Variants in ANO10 observed in about 807,000 individuals in gnomAD.
ANO10 encodes the protein anoctamin-10.
ANO10 carries 77 observed loss-of-function variants against 74.7 expected under a neutral mutation model. That is an observed-to-expected ratio of 1.03 (90% CI 0.86 to 1.25). The LOEUF (loss-of-function observed/expected upper bound fraction) is 1.25. Ranked by LOEUF, ANO10 falls within the 50% of genes most tolerant of loss-of-function variation. ANO10 has a pLI of 0.00. For synonymous variants in ANO10, 279 were observed against 284.9 expected, an observed-to-expected ratio of 0.98 and a Z score of 0.21; for missense variants, 721 against 778.1, an observed-to-expected ratio of 0.93 and a Z score of 0.87.
chr3:43,469,511 A>G (rs1437714032), intron 11 of ANO10, among the ~76,000 whole-genome samples: 2 of 152,166 alleles, frequency 1.3e-5, no homozygotes, highest in African/African-American at 2.4e-5. Context: ...CAGTTGTTTC[A>G]TTAATTGCAC....
chr3:43,628,341 C>T (rs1284475797), intron 1 of ANO10, among the ~76,000 whole-genome samples: 1 of 152,184 alleles, frequency 6.6e-6, no homozygotes, highest in Non-Finnish European at 1.5e-5. Context: ...TTCATGGACA[C>T]TTATCACTTC....
chr3:43,612,162 ATAT>A (rs1221133242), intron 1 of ANO10, among the ~76,000 whole-genome samples: 6 of 130,306 alleles, frequency 4.6e-5, no homozygotes, highest in Non-Finnish European at 6.4e-5. Context: ...ATATATATAT[ATAT>A]ATATATATAT....
rs761659935 is a variant in ANO10 at position 43,432,708 on chromosome 3, T to C, written c.1817A>G (p.Lys606Arg). ...AGGTATGGCAAATGCAAGTATAAAC[T>C]TTAAAGCCAGGAGTGCGTGCTGAAA... Reference protein sequence around the residue: ...VAVEHALLALKFILAFAIPDK... With the variant: ...VAVEHALLALRFILAFAIPDK... Residue 606 changes from lysine (K) to arginine (R), a missense_variant, in exon 12 of 13, where the codon AAG becomes AGG. Physicochemically the swap from Lys to Arg is conservative, Grantham distance 26. Transcript: ENST00000292246. 3.8e-5 allele frequency: 61 copies of C among 1,613,644 alleles called. No individual in the cohort carries two copies. The South Asian group carries it at 6.7e-4, about 18-fold the overall frequency.
intron 12 of ANO10, among the ~76,000 whole-genome samples, chr3:43,421,869 T>C (rs148359155): frequency 0.017 from 2,608 of 152,092 alleles, 146 homozygotes; most frequent in Admixed American, 0.11. Flanking sequence ...TGTGGTAAAA[T>C]ACGTGTAACA....
intron 1 of ANO10, among the ~76,000 whole-genome samples, chr3:43,627,932 G>A (rs545938596): frequency 1.4e-4 from 21 of 152,100 alleles, no homozygotes; most frequent in African/African-American, 5.1e-4. Context: ...CTGTCACCAG[G>A]CTGGAGTGCA....
At chr3:43,581,787 G>C in intron 4 of ANO10, among the ~76,000 whole-genome samples, 1 of 89,616 alleles carries the variant, frequency 1.1e-5, no homozygotes, top group East Asian at 9.8e-4. Flanking sequence ...TGAGCGTGGT[G>C]GTGAGTAGCT....
At chr3:43,494,325 C>T (rs540070982) in intron 11 of ANO10, among the ~76,000 whole-genome samples, 81 of 152,188 alleles carry the variant, frequency 5.3e-4, no homozygotes, top group East Asian at 1.4e-3. Flanking sequence ...TGGTGGCAGA[C>T]GCCTGTAATC....
At chr3:43,583,865 T>C (rs1289307556) in intron 4 of ANO10, among the ~76,000 whole-genome samples, 1 of 152,204 alleles carries the variant, frequency 6.6e-6, no homozygotes, top group Non-Finnish European at 1.5e-5. Flanking sequence ...TAAAAGAATA[T>C]CTATATAATA....
At chr3:43,456,714 T>C (rs1458196466) in intron 11 of ANO10, among the ~76,000 whole-genome samples, 2 of 152,194 alleles carry the variant, frequency 1.3e-5, no homozygotes, top group East Asian at 3.8e-4. Context: ...AAATATACCA[T>C]TGGTGCCTAC....
In ANO10 at chr3:43,442,982, A is replaced by G. The variant is rs532402914; in HGVS notation, c.1798-10255T>C. ...CACAAAATGTGTGCCTCAATAACAT[A>G]ATGACTAGGACTCTTCTCTGGAGTT... On this transcript the variant is annotated intron_variant, in intron 11 of 12. Coordinates refer to ENST00000292246, the MANE Select transcript of ANO10 (RefSeq NM_018075.5). Among the ~76,000 whole-genome samples the G allele has an allele frequency of 2.0e-5, 3 of 152,314 alleles. No homozygotes were observed. In the Middle Eastern group the frequency reaches 0.01, roughly 518 times the overall value.
chr3:43,493,239 A>C (rs1199271128), intron 11 of ANO10, among the ~76,000 whole-genome samples: 1 of 152,186 alleles, frequency 6.6e-6, no homozygotes, highest in Admixed American at 6.5e-5. Flanking sequence ...GAACACATGG[A>C]CACAGGGAGG....
intron 12 of ANO10, among the ~76,000 whole-genome samples, chr3:43,402,206 G>GA (rs944040793): frequency 1.3e-5 from 2 of 152,104 alleles, no homozygotes; most frequent in Admixed American, 6.6e-5. Context: ...TTAAAAATCA[G>GA]AAAAAATTTA....
chr3:43,607,981 G>A (rs1027699209), intron 1 of ANO10, among the ~76,000 whole-genome samples: 2 of 151,940 alleles, frequency 1.3e-5, no homozygotes, highest in Non-Finnish European at 2.9e-5. Context: ...AAGAAAACAC[G>A]TAAAAAGAGT....
chr3:43,612,966 G>A (rs915481514), intron 1 of ANO10, among the ~76,000 whole-genome samples: 4 of 152,098 alleles, frequency 2.6e-5, no homozygotes, highest in Admixed American at 6.5e-5. Flanking sequence ...TCAGGAGTTC[G>A]AGACCAGCCT....
At chr3:43,509,171 G>A (rs2077415899) in intron 11 of ANO10, among the ~76,000 whole-genome samples, 1 of 151,740 alleles carries the variant, frequency 6.6e-6, no homozygotes. Flanking sequence ...TGAACAATGA[G>A]AACACTTGGA....
chr3:43,592,403 C>T (rs2081831562), intron 4 of ANO10, among the ~76,000 whole-genome samples: 1 of 152,176 alleles, frequency 6.6e-6, no homozygotes, highest in African/African-American at 2.4e-5. Flanking sequence ...ACAAAGCTTC[C>T]AGAGGAACGA....
chr3:43,515,604 T>C (rs1311318640), intron 11 of ANO10, among the ~76,000 whole-genome samples: 1 of 152,118 alleles, frequency 6.6e-6, no homozygotes, highest in Non-Finnish European at 1.5e-5. Flanking sequence ...TACAATAAAC[T>C]TCTAGCCAGA....
intron 11 of ANO10, among the ~76,000 whole-genome samples, chr3:43,546,996 A>C (rs1263687705): frequency 6.6e-6 from 1 of 152,194 alleles, no homozygotes; most frequent in Admixed American, 6.5e-5. Context: ...GCCCATTATG[A>C]TTAAACTTTC....
intron 1 of ANO10, among the ~76,000 whole-genome samples, chr3:43,677,211 T>C (rs2084134648): frequency 6.6e-6 from 1 of 152,182 alleles, no homozygotes; most frequent in East Asian, 1.9e-4. Context: ...GTGGAAGCCA[T>C]CTTCCTAAGG....
Sources: allele counts gnomAD v4.1 joint callset (sites outside exome capture counted in the v4.1 genomes callset), GRCh38; gene constraint gnomAD v4.1.1; transcripts MANE v1.5; gene names NCBI Gene and HGNC (gene_info 2026-07-23, HGNC 2026-07-21).